The following FAT1 variants were observed in gnomAD, a reference collection of about 807,000 sequenced individuals.
FAT1 encodes the protein FAT atypical cadherin 1.
A neutral mutation model predicts 329.8 loss-of-function variants in FAT1; 171 were observed. That is an observed-to-expected ratio of 0.52 (90% CI 0.46 to 0.59). The LOEUF is 0.59. Ranked by LOEUF, FAT1 falls within the 20% of genes least tolerant of loss-of-function variation. The pLI, the probability that FAT1 is intolerant of heterozygous loss-of-function variation, is 0.00. For synonymous variants in FAT1, 2,233 were observed against 2,228.6 expected (o/e 1.00, Z -0.06); for missense variants, 5,672 against 5,774.4 (o/e 0.98, Z 0.57).
At position 186,624,990 on chromosome 4, in the gene FAT1, G is replaced by A. The variant is rs960728081; in HGVS notation, c.4810+3164C>T. ...AGCATCTTAAAAGTCCTAATTCTAT[G>A]CCAGAATAGGCCATTGGTATTATCT... On this transcript the variant is annotated intron_variant, in intron 9 of 26. Transcript: ENST00000441802. 4.6e-4 allele frequency among the ~76,000 whole-genome samples: 70 copies of A among 152,274 alleles called. 1 individual carries two copies. The highest frequency in any genetic ancestry group is 1.3e-3 in the African/African-American group (55 of 41,564).
intron 26 of FAT1, chr4:186,590,826 C>A: frequency 2.7e-6 from 1 of 366,388 alleles, no homozygotes; most frequent in Admixed American, 3.6e-5. Context: ...CACTTTATAG[C>A]ACACTGCAAC....
chr4:186,622,861 T>C (rs907110924), intron 9 of FAT1, among the ~76,000 whole-genome samples: 7 of 152,308 alleles, frequency 4.6e-5, no homozygotes, highest in Middle Eastern at 3.4e-3. Flanking sequence ...TGAACTATTA[T>C]ACTTACCCAA....
In FAT1 at chr4:186,709,184, G is replaced by A. The variant is rs373826249; in HGVS notation, c.644C>T (p.Thr215Ile). 5 of 1,613,842 alleles carry A rather than the reference G, an allele frequency of 3.1e-6. No homozygotes were observed. In the African/African-American group the frequency reaches 5.3e-5, roughly 17 times the overall value. Reference protein sequence around the residue: ...VLTGRLDYLETKLYEMEILAA... With the variant: ...VLTGRLDYLEIKLYEMEILAA... ...GAGGATTTCCATCTCATAGAGCTTG[G>A]TCTCTAGGTAATCAAGTCTACCAGT... Residue 215 changes from threonine (T) to isoleucine (I), a missense_variant, in exon 2 of 27, where the codon ACC becomes ATC. Around this residue, in one of 2 missense-constraint regions of FAT1, gnomAD observed 3,966 missense variants for 3,915.2 expected, o/e 1.01. Coordinates refer to ENST00000441802, the MANE Select transcript of FAT1 (RefSeq NM_005245.4).
At chr4:186,627,548 T>C (rs1001127611) in intron 9 of FAT1, among the ~76,000 whole-genome samples, 5 of 152,060 alleles carry the variant, frequency 3.3e-5, no homozygotes, top group African/African-American at 1.2e-4. Context: ...CCTTGCTGCC[T>C]CAAGCCCCAC....
chr4:186,705,213 C>T (rs933500461), intron 2 of FAT1, among the ~76,000 whole-genome samples: 8 of 151,220 alleles, frequency 5.3e-5, no homozygotes, highest in Admixed American at 4.0e-4. Flanking sequence ...CAAAGTGCTG[C>T]GATTACAGGC....
chr4:186,681,039 T>A (rs1450251327), intron 2 of FAT1, among the ~76,000 whole-genome samples: 1 of 152,184 alleles, frequency 6.6e-6, no homozygotes, highest in Admixed American at 6.5e-5. Context: ...TAGGCACACA[T>A]CTCAATCACT....
intron 26 of FAT1, chr4:186,590,336 G>A (rs765078980): frequency 6.0e-5 from 76 of 1,273,612 alleles, no homozygotes; most frequent in Non-Finnish European, 7.5e-5. Context: ...TTTTTAGTGA[G>A]TATCAATGAA....
intron 7 of FAT1, 124 bp downstream of exon 7, chr4:186,633,560 G>T: frequency 1.0e-6 from 1 of 984,610 alleles, no homozygotes; most frequent in Non-Finnish European, 1.5e-6. Context: ...GTGTGCATGT[G>T]TGTAAACTTC....
chr4:186,695,558 T>C (rs186968650), intron 2 of FAT1, among the ~76,000 whole-genome samples: 1 of 152,278 alleles, frequency 6.6e-6, no homozygotes, highest in African/African-American at 2.4e-5. Flanking sequence ...TTCCCTTTAG[T>C]ATTTTGTTAC....
intron 5 of FAT1, 35 bp downstream of exon 5, chr4:186,636,550 A>G: frequency 1.3e-6 from 2 of 1,532,176 alleles, no homozygotes; most frequent in Non-Finnish European, 1.8e-6. Context: ...TAGTCACAAC[A>G]TATGAAAAAT....
chr4:186,603,127 C>T (rs768385471), intron 19 of FAT1, 49 bp downstream of exon 19: 13 of 1,607,108 alleles, frequency 8.1e-6, no homozygotes, highest in South Asian at 5.5e-5. Context: ...CTTCAAAGGC[C>T]GTCTGAAACC....
At chr4:186,597,552 T>C in intron 24 of FAT1, 130 bp downstream of exon 24, 1 of 658,106 alleles carries the variant, frequency 1.5e-6, no homozygotes, top group Non-Finnish European at 2.7e-6. Context: ...ATAAATTATA[T>C]AAGGGGCCAA....
chr4:186,693,798 A>C (rs984631082), intron 2 of FAT1, among the ~76,000 whole-genome samples: 1 of 152,202 alleles, frequency 6.6e-6, no homozygotes. Context: ...TGGCCCAAAG[A>C]CAATAAAACG....
intron 1 of FAT1, among the ~76,000 whole-genome samples, chr4:186,715,227 C>T (rs964419849): frequency 2.0e-5 from 3 of 151,772 alleles, no homozygotes; most frequent in African/African-American, 7.3e-5. Context: ...CCCATGCTGT[C>T]CCAGGTGCTC....
intron 9 of FAT1, 60 bp downstream of exon 9, chr4:186,628,090 GAAAA>G: frequency 6.5e-7 from 1 of 1,534,066 alleles, no homozygotes; most frequent in Non-Finnish European, 8.8e-7. Flanking sequence ...ACTGATTTTG[GAAAA>G]GTAGAAACAG....
At chr4:186,715,094 G>A (rs181115207) in intron 1 of FAT1, among the ~76,000 whole-genome samples, 7,667 of 145,860 alleles carry the variant, frequency 0.053, 214 homozygotes, top group Non-Finnish European at 0.069. Flanking sequence ...AAAAAAAAAA[G>A]TACTTGCTGA....
At chr4:186,605,216 GAAAAAAA>G (rs34790170) in intron 17 of FAT1, among the ~76,000 whole-genome samples, 2 of 67,464 alleles carry the variant, frequency 3.0e-5, no homozygotes, top group Non-Finnish European at 5.5e-5. Flanking sequence ...CTCCATCTCA[GAAAAAAA>G]AAAAAAAAAA....
At chr4:186,598,174 A>C (rs1738629522) in intron 22 of FAT1, 49 bp from the exon 23 acceptor site, 1 of 1,500,152 alleles carries the variant, frequency 6.7e-7, no homozygotes, top group Non-Finnish European at 9.0e-7. Context: ...AATGACTCAG[A>C]AACCTGGTCT....
At chr4:186,640,611 TC>T (rs1424507662) in intron 3 of FAT1, among the ~76,000 whole-genome samples, 1 of 152,248 alleles carries the variant, frequency 6.6e-6, no homozygotes, top group Non-Finnish European at 1.5e-5. Context: ...GTAATCTTGC[TC>T]ATTTAATTTC....
Sources: allele counts gnomAD v4.1 joint callset (sites outside exome capture counted in the v4.1 genomes callset), GRCh38; gene constraint gnomAD v4.1.1; regional missense constraint gnomAD v4.1.1; transcripts MANE v1.5; gene names NCBI Gene and HGNC (gene_info 2026-07-23, HGNC 2026-07-21).